The following MSH4 variants were observed in gnomAD, a reference collection of about 807,000 sequenced individuals.
MSH4 encodes the protein mutS protein homolog 4.
A neutral mutation model predicts 113.7 loss-of-function variants in MSH4; 106 were observed. The ratio of observed to expected loss-of-function variants is 0.93; its 90% CI spans 0.80 to 1.10. The LOEUF (loss-of-function observed/expected upper bound fraction) is 1.10, where lower values mean the gene tolerates loss of function less well. MSH4 is among the 50% of genes least tolerant of loss of function. MSH4 has a pLI of 0.00. For synonymous variants in MSH4, 368 were observed against 380.2 expected (o/e 0.97, Z 0.37); for missense variants, 1,061 against 1,093.7 (o/e 0.97, Z 0.42).
intron 8 of MSH4, among the ~76,000 whole-genome samples, chr1:75,860,051 C>A (rs1443674677): frequency 2.0e-5 from 3 of 151,832 alleles, no homozygotes; most frequent in African/African-American, 7.3e-5. Context: ...TTGTTGGTTT[C>A]AAGTCTGCTT....
At chr1:75,852,545 T>C (rs912945349) in intron 8 of MSH4, among the ~76,000 whole-genome samples, 1 of 152,200 alleles carries the variant, frequency 6.6e-6, no homozygotes, top group Non-Finnish European at 1.5e-5. Flanking sequence ...CAAGACTTGT[T>C]ATTATCTTAA....
rs774504457 is a variant in MSH4, at chr1:75,889,279, C to G, written c.2136C>G (p.Ser712=). The part of the protein sequence containing the change: ...IGSYVPAEYS[S]FRIAKQIFTR... The stretch of plus-strand genomic sequence containing the variant: ...CATATGTTCCAGCAGAATATTCTTC[C>G]TTTAGAATTGCTAAACAGATTTTTA... The change falls in exon 16 of 20, where the codon TCC becomes TCG. Residue 712 remains serine (S), a synonymous_variant. Coordinates refer to ENST00000263187, the MANE Select transcript of MSH4 (RefSeq NM_002440.4). The G allele has an allele frequency of 1.3e-6, 2 of 1,513,588 alleles. No individual in the cohort carries two copies. The highest frequency in any genetic ancestry group is 1.2e-5 in the South Asian group (1 of 84,224). 93.8% of individuals were successfully genotyped at this position (1,513,588 alleles called of 1,614,324 possible).
chr1:75,879,999 T>C (rs776846705), intron 12 of MSH4, 51 bp from the exon 13 acceptor site: 2 of 863,380 alleles, frequency 2.3e-6, no homozygotes, highest in Non-Finnish European at 1.9e-6. Context: ...AATCTTACAT[T>C]TCATAGTAGT....
chr1:75,873,900 A>G (rs1434441634), intron 9 of MSH4, among the ~76,000 whole-genome samples: 1 of 152,110 alleles, frequency 6.6e-6, no homozygotes, highest in African/African-American at 2.4e-5. Flanking sequence ...ATTTGTCTTT[A>G]TGGTAAAATG....
At chr1:75,881,969 ATTATGG>A (rs1476710344) in intron 14 of MSH4, among the ~76,000 whole-genome samples, 1 of 152,094 alleles carries the variant, frequency 6.6e-6, no homozygotes, top group Non-Finnish European at 1.5e-5. Context: ...GTATGTGATA[ATTATGG>A]TTGAATAATT....
rs935225102 is a variant in MSH4, at chr1:75,833,374, A to G, written c.1162+10793A>G. On this transcript the variant is annotated intron_variant, in intron 7 of 19. Coordinates refer to ENST00000263187, the MANE Select transcript of MSH4 (RefSeq NM_002440.4). ...TGCCATACTGCCCAAGGTATTTTATATATTCAGTGCCATCCCCTTCAAGCT... is the reference window on the plus strand; with the variant it reads ...TGCCATACTGCCCAAGGTATTTTATGTATTCAGTGCCATCCCCTTCAAGCT... 3.9e-5 allele frequency among the ~76,000 whole-genome samples: 6 copies of G among 152,356 alleles called. No homozygotes were observed. The East Asian group carries it at 9.6e-4, about 24-fold the overall frequency.
At chr1:75,886,512 A>G (rs1184230993) in intron 15 of MSH4, among the ~76,000 whole-genome samples, 1 of 115,990 alleles carries the variant, frequency 8.6e-6, no homozygotes, top group Non-Finnish European at 1.7e-5. Flanking sequence ...TATTATATAT[A>G]ATATATATGA....
intron 7 of MSH4, among the ~76,000 whole-genome samples, chr1:75,835,218 C>T (rs982775431): frequency 6.6e-6 from 1 of 152,128 alleles, no homozygotes; most frequent in African/African-American, 2.4e-5. Flanking sequence ...TTCCAAATAC[C>T]TTTAATTAGC....
intron 2 of MSH4, among the ~76,000 whole-genome samples, chr1:75,805,321 G>T (rs1046203281): frequency 3.3e-5 from 5 of 150,812 alleles, no homozygotes; most frequent in Non-Finnish European, 5.9e-5. Flanking sequence ...CACACCCTTA[G>T]AAGTCAAATT....
At chr1:75,882,589 A>G (rs1268330351) in intron 14 of MSH4, among the ~76,000 whole-genome samples, 2 of 147,844 alleles carry the variant, frequency 1.4e-5, no homozygotes, top group East Asian at 4.0e-4. Flanking sequence ...ATTTGATTTT[A>G]TTCTATAATC....
intron 7 of MSH4, among the ~76,000 whole-genome samples, chr1:75,829,743 A>G (rs1026294448): frequency 2.0e-5 from 3 of 152,146 alleles, no homozygotes; most frequent in Non-Finnish European, 4.4e-5. Context: ...TAGAAGGAAA[A>G]CTAACAAACA....
At chr1:75,877,729 C>T (rs1444734554) in intron 10 of MSH4, among the ~76,000 whole-genome samples, 1 of 152,154 alleles carries the variant, frequency 6.6e-6, no homozygotes, top group African/African-American at 2.4e-5. Context: ...CTACCGAAGG[C>T]AGGGATCATA....
intron 8 of MSH4, among the ~76,000 whole-genome samples, chr1:75,851,567 G>A (rs1651187489): frequency 2.0e-5 from 3 of 151,924 alleles, no homozygotes; most frequent in South Asian, 4.2e-4. Flanking sequence ...ATGCCACCAT[G>A]CCATGCTAAC....
intron 8 of MSH4, among the ~76,000 whole-genome samples, chr1:75,859,858 G>A (rs181862091): frequency 6.6e-6 from 1 of 152,266 alleles, no homozygotes; most frequent in Admixed American, 6.5e-5. Flanking sequence ...ATTGACAGTG[G>A]TGTGTTAACG....
intron 14 of MSH4, among the ~76,000 whole-genome samples, chr1:75,882,915 G>A (rs993456666): frequency 1.3e-5 from 2 of 152,116 alleles, no homozygotes; most frequent in Admixed American, 6.6e-5. Flanking sequence ...AGTGTTTAAG[G>A]TAGAGTAAGT....
At chr1:75,884,393 T>C (rs1652013808) in intron 15 of MSH4, among the ~76,000 whole-genome samples, 1 of 152,090 alleles carries the variant, frequency 6.6e-6, no homozygotes, top group Non-Finnish European at 1.5e-5. Flanking sequence ...TAACTCCTAA[T>C]TCTGAAAACT....
chr1:75,876,288 A>G (rs1651816769), intron 9 of MSH4, among the ~76,000 whole-genome samples: 1 of 152,132 alleles, frequency 6.6e-6, no homozygotes, highest in Non-Finnish European at 1.5e-5. Flanking sequence ...TCTTTGGACA[A>G]TAGTAGATTT....
intron 7 of MSH4, among the ~76,000 whole-genome samples, chr1:75,824,372 G>C (rs1257240065): frequency 6.6e-6 from 1 of 152,058 alleles, no homozygotes; most frequent in African/African-American, 2.4e-5. Flanking sequence ...CTGGATTTTA[G>C]AGCTTTGTCA....
chr1:75,832,142 A>T (rs1476304636), intron 7 of MSH4, among the ~76,000 whole-genome samples: 1 of 152,234 alleles, frequency 6.6e-6, no homozygotes, highest in Non-Finnish European at 1.5e-5. Context: ...CTACCAGCAG[A>T]GAATACTATA....
Sources: allele counts gnomAD v4.1 joint callset (sites outside exome capture counted in the v4.1 genomes callset), GRCh38; gene constraint gnomAD v4.1.1; transcripts MANE v1.5; gene names NCBI Gene and HGNC (gene_info 2026-07-23, HGNC 2026-07-21).